The following ADGRL3 variants were observed in gnomAD, a reference collection of about 807,000 sequenced individuals.
The protein encoded by ADGRL3 is calcium-independent alpha-latrotoxin receptor 3.
In ADGRL3, 62 loss-of-function variants were observed where a neutral mutation model predicts 153.5. The observed-to-expected ratio is 0.40, with a 90% CI of 0.33 to 0.50. The LOEUF (loss-of-function observed/expected upper bound fraction) is 0.50, where lower values mean the gene tolerates loss of function less well. Among genes scored for constraint, ADGRL3 ranks in the 20% least tolerant of loss-of-function variants. The pLI is 0.47. For missense variants in ADGRL3, 1,641 were observed against 1,859.4 expected (o/e 0.88, Z 2.16); for synonymous variants, 710 against 672.5 (o/e 1.06, Z -0.86).
chr4:61,659,031 G>T (rs1286559303), intron 5 of ADGRL3, among the ~76,000 whole-genome samples: 1 of 152,114 alleles, frequency 6.6e-6, no homozygotes, highest in Non-Finnish European at 1.5e-5. Context: ...CTTAGCTTTT[G>T]GTTGTGGCTG....
chr4:61,945,798 G>A (rs952389909), intron 15 of ADGRL3, among the ~76,000 whole-genome samples: 18 of 151,834 alleles, frequency 1.2e-4, no homozygotes, highest in Admixed American at 3.9e-4. Context: ...TTCGGCTCGC[G>A]CACGGTGCGC....
chr4:61,813,221 C>T (rs1262632173), intron 8 of ADGRL3, among the ~76,000 whole-genome samples: 1 of 152,032 alleles, frequency 6.6e-6, no homozygotes, highest in African/African-American at 2.4e-5. Flanking sequence ...GGTGAAACCC[C>T]ATCTCTACTA....
chr4:61,474,640 G>A (rs2098020556), intron 2 of ADGRL3, among the ~76,000 whole-genome samples: 1 of 152,050 alleles, frequency 6.6e-6, no homozygotes, highest in Non-Finnish European at 1.5e-5. Flanking sequence ...ACAAATATGA[G>A]AAATGTCTTC....
chr4:61,843,269 G>A (rs887463648), intron 9 of ADGRL3, among the ~76,000 whole-genome samples: 2 of 152,138 alleles, frequency 1.3e-5, no homozygotes, highest in Admixed American at 6.5e-5. Context: ...TGTAGGAGAG[G>A]CTGATAATGT....
At chr4:61,749,173 C>T (rs1301007008) in intron 8 of ADGRL3, among the ~76,000 whole-genome samples, 1 of 152,038 alleles carries the variant, frequency 6.6e-6, no homozygotes, top group Non-Finnish European at 1.5e-5. Context: ...CCATCTCACA[C>T]CAGTTAGAAT....
chr4:61,936,312 C>A (rs1316655984), intron 15 of ADGRL3, among the ~76,000 whole-genome samples: 1 of 152,072 alleles, frequency 6.6e-6, no homozygotes, highest in Non-Finnish European at 1.5e-5. Context: ...AAATTATGGA[C>A]AAGAAAATAC....
At chr4:61,420,573 A>AT (rs1372309728) in intron 2 of ADGRL3, 1 of 151,360 alleles carries the variant, frequency 6.6e-6, no homozygotes, top group Admixed American at 6.6e-5. Context: ...CGTCCGGCTA[A>AT]TTTTTTGTAT....
At chr4:61,405,722 A>G (rs1368089948) in intron 2 of ADGRL3, among the ~76,000 whole-genome samples, 2 of 151,908 alleles carry the variant, frequency 1.3e-5, no homozygotes, top group Non-Finnish European at 2.9e-5. Context: ...AACTTTGCCA[A>G]ATTCTTATGT....
At chr4:61,851,589 C>CAAAAAA (rs759990537) in intron 9 of ADGRL3, among the ~76,000 whole-genome samples, 1 of 55,228 alleles carries the variant, frequency 1.8e-5, no homozygotes, top group African/African-American at 5.5e-5. Context: ...GACCATGTCT[C>CAAAAAA]AAAAAAAAAA....
intron 5 of ADGRL3, among the ~76,000 whole-genome samples, chr4:61,618,076 G>T (rs2092202349): frequency 6.6e-6 from 1 of 152,146 alleles, no homozygotes; most frequent in East Asian, 1.9e-4. Context: ...AATACTGTAA[G>T]CTCTGGAATT....
At chr4:61,696,580 A>AT (rs1024683047) in intron 6 of ADGRL3, among the ~76,000 whole-genome samples, 15 of 147,194 alleles carry the variant, frequency 1.0e-4, no homozygotes, top group African/African-American at 2.8e-4. Flanking sequence ...CAAAAATCTT[A>AT]TTTTTTAAAT....
In ADGRL3 at chr4:61,936,174, T is replaced by C. The variant is rs2098837490; in HGVS notation, c.2419+129T>C. 3.1e-6 allele frequency: 3 copies of C among 962,918 alleles called. No homozygotes were observed. The Admixed American group carries it at 7.4e-5, about 24-fold the overall frequency. 59.6% of individuals were successfully genotyped at this position (962,918 alleles called of 1,614,324 possible). Reference sequence around the variant, plus strand: ...CTTCCTCTTCCTACACTATTCTCTTTCTCCTCCTCTTCCTCCTCTTTCTAC... The same window carrying C: ...CTTCCTCTTCCTACACTATTCTCTTCCTCCTCCTCTTCCTCCTCTTTCTAC... On this transcript the variant is annotated intron_variant, in intron 15 of 26. Transcript: ENST00000683033.
intron 5 of ADGRL3, among the ~76,000 whole-genome samples, chr4:61,659,838 T>C (rs974900500): frequency 4.3e-5 from 6 of 140,240 alleles, no homozygotes; most frequent in Non-Finnish European, 9.0e-5. Context: ...AAGTAGAGAC[T>C]ACTTATGAAG....
At chr4:61,315,376 C>T (rs889220087) in intron 1 of ADGRL3, among the ~76,000 whole-genome samples, 2 of 152,128 alleles carry the variant, frequency 1.3e-5, no homozygotes, top group Non-Finnish European at 2.9e-5. Context: ...TAGGTCCTGT[C>T]GAACTGCTTA....
chr4:61,381,504 G>A (rs1008899481), intron 1 of ADGRL3, among the ~76,000 whole-genome samples: 1 of 151,896 alleles, frequency 6.6e-6, no homozygotes, highest in South Asian at 2.1e-4. Context: ...GTACAAAGAG[G>A]TATAGGAGTG....
At position 62,075,979 on chromosome 4, in the gene ADGRL3, ACT is replaced by A. The variant is rs1282127324; in HGVS notation, c.*5076_*5077del. On this transcript the variant is annotated 3_prime_UTR_variant, in exon 27 of 27. Coordinates refer to ENST00000683033, the MANE Select transcript of ADGRL3 (RefSeq NM_001387552.1). ...CTATTTACTAATTAACACTGATTAC[ACT>A]CTCTTTGGTTTAAAAGGGAAACTTT... The A allele has an allele frequency of 1.3e-5, 2 of 151,974 alleles. No homozygotes were observed. The highest frequency in any genetic ancestry group is 2.9e-5 in the Non-Finnish European group (2 of 67,966). The allele number at this position is 151,974 out of a possible 1,614,324, so 9.4% of individuals were successfully genotyped here.
chr4:61,334,675 T>C (rs796827226), intron 1 of ADGRL3, among the ~76,000 whole-genome samples: 1 of 152,294 alleles, frequency 6.6e-6, no homozygotes, highest in African/African-American at 2.4e-5. Context: ...TGGGTTTTAC[T>C]ATGTTAATTG....
rs180727950 is a variant in ADGRL3, at chr4:61,596,844, G to A, written c.473+9404G>A. On this transcript the variant is annotated intron_variant, in intron 5 of 26. Transcript: ENST00000683033. ...CTGCACTCCAGCCTGGGTGACAGAG[G>A]AATACCCTGTCTCAAAAAACTGTTG... Among the ~76,000 whole-genome samples the A allele has an allele frequency of 2.6e-5, 4 of 152,106 alleles. No individual in the cohort carries two copies. The East Asian group carries it at 7.7e-4, about 29-fold the overall frequency.
chr4:61,398,023 A>G (rs2096888263), intron 2 of ADGRL3, among the ~76,000 whole-genome samples: 1 of 151,822 alleles, frequency 6.6e-6, no homozygotes, highest in African/African-American at 2.4e-5. Context: ...TGTCTTTATC[A>G]CACTCACTAG....
Sources: gnomAD v4.1 joint callset for allele counts (sites outside exome capture counted in the v4.1 genomes callset) on GRCh38, gnomAD v4.1.1 for gene constraint, MANE v1.5 for transcripts, NCBI Gene and HGNC (gene_info 2026-07-23, HGNC 2026-07-21) for gene names.